The following DTNB variants were observed in gnomAD, a reference collection of about 807,000 sequenced individuals.
The protein encoded by DTNB is dystrobrevin beta, also known as DTN-B.
A neutral mutation model predicts 90.7 loss-of-function variants in DTNB; 63 were observed. The ratio of observed to expected loss-of-function variants is 0.69; its 90% CI spans 0.57 to 0.86. The LOEUF (loss-of-function observed/expected upper bound fraction) is 0.86. Among genes scored for constraint, DTNB ranks in the 40% least tolerant of loss-of-function variants. The probability of loss-of-function intolerance (pLI) is 0.00; values close to 1 mark genes in which losing one functional copy is unlikely to be tolerated. For missense variants in DTNB, 744 were observed against 807.1 expected (o/e 0.92, Z 0.95); for synonymous variants, 277 against 286.7 (o/e 0.97, Z 0.34).
chr2:25,666,628 A>G (rs183260606), intron 1 of DTNB, among the ~76,000 whole-genome samples: 170 of 152,332 alleles, frequency 1.1e-3, no homozygotes, highest in African/African-American at 3.8e-3. Context: ...CTCTAAATAC[A>G]CAATAATGGA....
chr2:25,625,675 T>C (rs573784872), intron 4 of DTNB, among the ~76,000 whole-genome samples: 60 of 151,706 alleles, frequency 4.0e-4, no homozygotes, highest in Admixed American at 7.2e-4. Context: ...TCTCGGAATA[T>C]GGCCCAGGAT....
At chr2:25,417,341 T>C (rs1001783780) in intron 16 of DTNB, among the ~76,000 whole-genome samples, 1 of 152,206 alleles carries the variant, frequency 6.6e-6, no homozygotes, top group Non-Finnish European at 1.5e-5. Context: ...GTCACTGAAA[T>C]GGACACGTTA....
At position 25,467,443 on chromosome 2, in the gene DTNB, C is replaced by T. The variant is rs547538480; in HGVS notation, c.1080-11949G>A. ...TCTCTAGAGTAGCTGGGACTACAGG[C>T]GGGTAACATCAGGCCCAGACAGGTA... On this transcript the variant is annotated intron_variant, in intron 10 of 20. Transcript: ENST00000406818. Among the ~76,000 whole-genome samples, 25 of 151,872 alleles carry T rather than the reference C, an allele frequency of 1.6e-4. 1 individual carries two copies. Among genetic ancestry groups the T allele is most frequent in the South Asian group, 1.5e-3 (7 of 4,796 alleles).
intron 11 of DTNB, among the ~76,000 whole-genome samples, chr2:25,452,017 T>C (rs2059363366): frequency 6.6e-6 from 1 of 152,180 alleles, no homozygotes; most frequent in Non-Finnish European, 1.5e-5. Flanking sequence ...TAAAGCATCA[T>C]GAAAAACAGA....
At chr2:25,664,966 A>T (rs1392829984) in intron 1 of DTNB, among the ~76,000 whole-genome samples, 2 of 152,232 alleles carry the variant, frequency 1.3e-5, no homozygotes, top group African/African-American at 2.4e-5. Context: ...ACCTTAAATC[A>T]TGGAGCTAAG....
At chr2:25,561,274 G>A (rs377380643) in intron 8 of DTNB, among the ~76,000 whole-genome samples, 28 of 151,750 alleles carry the variant, frequency 1.8e-4, no homozygotes, top group African/African-American at 3.4e-4. Context: ...CTCTTCCTTC[G>A]TCATACTTTT....
intron 9 of DTNB, among the ~76,000 whole-genome samples, chr2:25,524,400 G>A (rs532190374): frequency 7.4e-6 from 1 of 135,778 alleles, no homozygotes; most frequent in East Asian, 2.4e-4. Flanking sequence ...ATCTACCAGA[G>A]CTTTTTTTTT....
At chr2:25,515,258 A>G (rs1374737292) in intron 9 of DTNB, among the ~76,000 whole-genome samples, 1 of 152,222 alleles carries the variant, frequency 6.6e-6, no homozygotes, top group Non-Finnish European at 1.5e-5. Flanking sequence ...TAGAATCCCT[A>G]TCAAAATCTT....
intron 4 of DTNB, among the ~76,000 whole-genome samples, chr2:25,626,571 G>A (rs1229921462): frequency 6.6e-6 from 1 of 152,092 alleles, no homozygotes; most frequent in Non-Finnish European, 1.5e-5. Flanking sequence ...AGACCAGCCT[G>A]GGAAACACAG....
At chr2:25,666,616 T>C (rs2084506905) in intron 1 of DTNB, among the ~76,000 whole-genome samples, 1 of 152,240 alleles carries the variant, frequency 6.6e-6, no homozygotes, top group African/African-American at 2.4e-5. Flanking sequence ...GCATCCTCTC[T>C]GCTCTAAATA....
chr2:25,573,483 T>TTTC (rs1559081831), intron 8 of DTNB, among the ~76,000 whole-genome samples: 1 of 152,212 alleles, frequency 6.6e-6, no homozygotes. Flanking sequence ...CTCTAGGGTC[T>TTTC]GGAAGCAGTC....
chr2:25,398,024 GAC>G (rs2149616492), intron 16 of DTNB, among the ~76,000 whole-genome samples: 1 of 152,326 alleles, frequency 6.6e-6, no homozygotes, highest in Non-Finnish European at 1.5e-5. Flanking sequence ...ATGGCCTGAG[GAC>G]CGCACATCAG....
intron 9 of DTNB, among the ~76,000 whole-genome samples, chr2:25,521,731 T>C (rs1350207860): frequency 6.6e-6 from 1 of 152,210 alleles, no homozygotes; most frequent in Non-Finnish European, 1.5e-5. Flanking sequence ...TTCATGTAAG[T>C]TTCACTTTAC....
chr2:25,445,258 TTG>T (rs35735790), intron 12 of DTNB, among the ~76,000 whole-genome samples: 25,917 of 152,158 alleles, frequency 0.17, 2,865 homozygotes, highest in Non-Finnish European at 0.24. Context: ...CCTAGAGCAG[TTG>T]TGACTGACTG....
chr2:25,519,907 T>A (rs563940765), intron 9 of DTNB, among the ~76,000 whole-genome samples: 4 of 152,250 alleles, frequency 2.6e-5, no homozygotes, highest in African/African-American at 9.6e-5. Flanking sequence ...TTTCCTCAAA[T>A]AAGACTCTAG....
chr2:25,546,201 T>G (rs1572383257), intron 8 of DTNB, among the ~76,000 whole-genome samples: 2 of 152,328 alleles, frequency 1.3e-5, no homozygotes, highest in East Asian at 3.9e-4. Flanking sequence ...AACCGTCCTT[T>G]GCATAAGTGG....
intron 6 of DTNB, among the ~76,000 whole-genome samples, chr2:25,593,337 TAAGGAAAC>T (rs2063916480): frequency 6.6e-6 from 1 of 152,154 alleles, no homozygotes; most frequent in East Asian, 1.9e-4. Flanking sequence ...TGATTCTCAT[TAAGGAAAC>T]ACATACTGAA....
intron 14 of DTNB, 106 bp from the exon 15 acceptor site, chr2:25,427,737 C>A: frequency 9.5e-7 from 1 of 1,051,274 alleles, no homozygotes; most frequent in South Asian, 1.5e-5. Flanking sequence ...AGTTATGAGA[C>A]GCTGAGCAAG....
intron 2 of DTNB, among the ~76,000 whole-genome samples, chr2:25,646,242 G>A (rs2079411821): frequency 6.6e-6 from 1 of 152,038 alleles, no homozygotes; most frequent in Non-Finnish European, 1.5e-5. Context: ...TTGGGAGGTC[G>A]AGGTGGGCGG....
Sources: allele counts gnomAD v4.1 joint callset (sites outside exome capture counted in the v4.1 genomes callset), GRCh38; gene constraint gnomAD v4.1.1; transcripts MANE v1.5; gene names NCBI Gene and HGNC (gene_info 2026-07-23, HGNC 2026-07-21).